The following HTR3B variants were observed in gnomAD, a reference collection of about 807,000 sequenced individuals.
The protein encoded by HTR3B is 5-hydroxytryptamine receptor 3B.
A neutral mutation model predicts 42.8 loss-of-function variants in HTR3B; 44 were observed. That is an observed-to-expected ratio of 1.03 (90% CI 0.81 to 1.32). The LOEUF (loss-of-function observed/expected upper bound fraction) is 1.32, where lower values mean the gene tolerates loss of function less well. HTR3B is among the 40% of genes most tolerant of loss of function. The pLI is 0.00. For missense variants in HTR3B, 527 were observed against 536.5 expected (o/e 0.98, Z 0.17); for synonymous variants, 203 against 209.0 (o/e 0.97, Z 0.25).
intron 2 of HTR3B, among the ~76,000 whole-genome samples, chr11:113,915,721 T>C (rs1591572890): frequency 6.6e-6 from 1 of 152,256 alleles, no homozygotes; most frequent in Non-Finnish European, 1.5e-5. Context: ...CTATGTTTAA[T>C]TTTATAAGAA....
intron 2 of HTR3B, among the ~76,000 whole-genome samples, chr11:113,926,792 G>A (rs1949980585): frequency 1.3e-5 from 2 of 152,172 alleles, no homozygotes; most frequent in Admixed American, 1.3e-4. Context: ...GCCTTCCAAA[G>A]TGCTGGGATT....
chr11:113,904,820 T>A lies in HTR3B; in HGVS notation c.-114T>A, dbSNP rs532961616. On this transcript the variant is annotated 5_prime_UTR_variant, in exon 1 of 9. Coordinates refer to ENST00000260191, the MANE Select transcript of HTR3B (RefSeq NM_006028.5). ...TAGCACCAGTAAGGATAGCATCAAC[T>A]GGCAAACGGAGAAGGAGGAGAACAG... 2 of 815,950 alleles carry A rather than the reference T, an allele frequency of 2.5e-6. No individual in the cohort carries two copies. The highest frequency in any genetic ancestry group is 3.4e-5 in the African/African-American group (2 of 59,108). 50.5% of individuals were successfully genotyped at this position (815,950 alleles called of 1,614,324 possible).
rs985144641 is a variant in HTR3B, at chr11:113,910,509, C to T, written c.213+1054C>T. ...AGGCTGGAGTCCAATGGCACGATCT[C>T]GGCTCACTGCAACCTTTGCGTCCCC... On this transcript the variant is annotated intron_variant, in intron 2 of 8. Coordinates refer to ENST00000260191, the MANE Select transcript of HTR3B (RefSeq NM_006028.5). Among the ~76,000 whole-genome samples the T allele has an allele frequency of 1.2e-4, 18 of 150,964 alleles. No homozygotes were observed. The South Asian group carries it at 1.3e-3, about 11-fold the overall frequency.
chr11:113,924,395 T>G (rs898406254), intron 2 of HTR3B, among the ~76,000 whole-genome samples: 1 of 151,966 alleles, frequency 6.6e-6, no homozygotes, highest in Non-Finnish European at 1.5e-5. Flanking sequence ...GTGGGAGGAC[T>G]GCTTGAGTCC....
rs748516708 is a variant in HTR3B, at chr11:113,948,590, G to A, written c.*2453G>A. 3.3e-5 allele frequency among the ~76,000 whole-genome samples: 5 copies of A among 152,218 alleles called. No individual in the cohort carries two copies. Among genetic ancestry groups the A allele is most frequent in the Non-Finnish European group, 5.9e-5 (4 of 68,040 alleles). On this transcript the variant is annotated 3_prime_UTR_variant, in exon 9 of 9. Transcript: ENST00000260191. ...TGCTTTGAAAAGTAAATAATGGGGC[G>A]TGGTGGCTCACGCCTATAATCCCAA...
chr11:113,944,463 T>TTGG (rs1476409996), intron 7 of HTR3B, 110 bp from the exon 8 acceptor site: 2 of 958,470 alleles, frequency 2.1e-6, no homozygotes, highest in Non-Finnish European at 3.2e-6. Flanking sequence ...ATTGCACCAC[T>TTGG]GCACTCCAGC....
intron 2 of HTR3B, among the ~76,000 whole-genome samples, chr11:113,930,252 A>G (rs1006250704): frequency 1.3e-5 from 2 of 152,102 alleles, no homozygotes; most frequent in African/African-American, 4.8e-5. Flanking sequence ...TGTCATGTCT[A>G]AGAAACCATT....
At chr11:113,917,533 G>A (rs945269397) in intron 2 of HTR3B, among the ~76,000 whole-genome samples, 9 of 152,108 alleles carry the variant, frequency 5.9e-5, no homozygotes, top group South Asian at 2.1e-4. Context: ...TCTCTCTTTG[G>A]TTCTGCCAAC....
chr11:113,909,222 G>C, intron 1 of HTR3B, 73 bp from the exon 2 acceptor site: 1 of 1,200,018 alleles, frequency 8.3e-7, no homozygotes, highest in Non-Finnish European at 1.2e-6. Flanking sequence ...ACCGAGTCCT[G>C]AACAGTCTGA....
intron 1 of HTR3B, among the ~76,000 whole-genome samples, 162 bp downstream of exon 1, chr11:113,905,147 G>C (rs575177689): frequency 1.6e-4 from 25 of 152,252 alleles, no homozygotes; most frequent in African/African-American, 5.8e-4. Flanking sequence ...ACAATGATTT[G>C]TTTGTGACTT....
At chr11:113,945,850 G>T in intron 8 of HTR3B, 52 bp from the exon 9 acceptor site, 1 of 1,281,604 alleles carries the variant, frequency 7.8e-7, no homozygotes, top group Non-Finnish European at 1.1e-6. Context: ...GAAAGTCCAG[G>T]TGGGTCTTGG....
intron 6 of HTR3B, among the ~76,000 whole-genome samples, chr11:113,940,355 A>G (rs73556634): frequency 0.022 from 3,390 of 152,206 alleles, 103 homozygotes; most frequent in African/African-American, 0.075. Context: ...CCCCGACCCC[A>G]CAGGGCTAGA....
chr11:113,946,193 A>C lies in HTR3B; in HGVS notation c.*56A>C. 5 of 1,402,446 alleles carry C rather than the reference A, an allele frequency of 3.6e-6. No homozygotes were observed. Among genetic ancestry groups the C allele is most frequent in the Non-Finnish European group, 5.0e-6 (5 of 995,576 alleles). The allele number at this position is 1,402,446 out of a possible 1,614,324, so 86.9% of individuals were successfully genotyped here. A position where few individuals can be genotyped will look rare whatever the true frequency, so the allele number is the denominator to read the frequency against. ...GCACTTAGGAGAGAGAGGAGGGGGA[A>C]TAATAGTGGGTTAAAAAGCTTTCTG... On this transcript the variant is annotated 3_prime_UTR_variant, in exon 9 of 9. Coordinates refer to ENST00000260191, the MANE Select transcript of HTR3B (RefSeq NM_006028.5).
intron 4 of HTR3B, 85 bp from the exon 5 acceptor site, chr11:113,932,204 G>A (rs45577231): frequency 0.036 from 40,159 of 1,125,288 alleles, 970 homozygotes; most frequent in African/African-American, 0.079. Context: ...TGGACCTCAT[G>A]GTCACTACCA....
intron 2 of HTR3B, among the ~76,000 whole-genome samples, chr11:113,918,514 C>T (rs1352573493): frequency 6.6e-6 from 1 of 151,918 alleles, no homozygotes; most frequent in East Asian, 1.9e-4. Flanking sequence ...AATATACTAC[C>T]TTTGAGATTG....
chr11:113,921,232 G>A (rs1321692568), intron 2 of HTR3B, among the ~76,000 whole-genome samples: 10 of 148,172 alleles, frequency 6.7e-5, no homozygotes, highest in South Asian at 4.5e-4. Context: ...TGCAACCTCC[G>A]CCTCCCAGGT....
At chr11:113,913,520 A>T (rs1416616939) in intron 2 of HTR3B, among the ~76,000 whole-genome samples, 1 of 144,022 alleles carries the variant, frequency 6.9e-6, no homozygotes, top group Non-Finnish European at 1.5e-5. Flanking sequence ...CTTTTTAAAA[A>T]AAATTTTATT....
rs146382630 is a variant in HTR3B, at chr11:113,917,005, T to G, written c.213+7550T>G. ...GTTTTACTTCTTTCTTTCTGATCTT[T>G]ATACATTTGTTTCCTTCTAGTGTCT... On this transcript the variant is annotated intron_variant, in intron 2 of 8. Coordinates refer to ENST00000260191, the MANE Select transcript of HTR3B (RefSeq NM_006028.5). Among the ~76,000 whole-genome samples the G allele has an allele frequency of 3.1e-3, 466 of 152,336 alleles. 2 individuals carry two copies. Among genetic ancestry groups the G allele is most frequent in the African/African-American group, 0.011 (451 of 41,586 alleles).
rs764030115 is a variant in HTR3B at position 113,933,014 on chromosome 11, A to G, written c.617A>G (p.Glu206Gly). The G allele has an allele frequency of 1.2e-6, 2 of 1,614,018 alleles. No homozygotes were observed. Among genetic ancestry groups the G allele is most frequent in the Admixed American group, 1.7e-5 (1 of 59,990 alleles). ...AAAAAGGCGTTTTTGAATGACAGTG[A>G]GTGGGAACTTCTATCTGTGTCCTCC... ...HDKKAFLNDS[E>G]WELLSVSSTY... The change falls in exon 6 of 9, where the codon GAG becomes GGG. Residue 206 changes from glutamate (E) to glycine (G), a missense_variant. Physicochemically the swap from Glu to Gly is moderately conservative, Grantham distance 98. Transcript: ENST00000260191.
Sources: allele counts gnomAD v4.1 joint callset (sites outside exome capture counted in the v4.1 genomes callset), GRCh38; gene constraint gnomAD v4.1.1; transcripts MANE v1.5; gene names NCBI Gene and HGNC (gene_info 2026-07-23, HGNC 2026-07-21).